Variants in ZNF547 observed in about 807,000 individuals in gnomAD.
ZNF547 encodes zinc finger protein 547.
In ZNF547, 4 loss-of-function variants were observed where a neutral mutation model predicts 7.7. The ratio of observed to expected loss-of-function variants is 0.52; its 90% confidence interval spans 0.26 to 1.20. The LOEUF is 1.20. Ranked by LOEUF, ZNF547 falls within the 50% of genes most tolerant of loss-of-function variation. The pLI is 0.14. For missense variants in ZNF547, 449 were observed against 485.8 expected, an observed-to-expected ratio of 0.92 and a Z score of 0.71; for synonymous variants, 166 against 166.2, an observed-to-expected ratio of 1.00 and a Z score of 0.01.
At chr19:57,374,181 C>G (rs891708309) in intron 3 of ZNF547, among the ~76,000 whole-genome samples, 3 of 152,248 alleles carry the variant, frequency 2.0e-5, no homozygotes, top group African/African-American at 7.2e-5. Flanking sequence ...TTTGCACCCA[C>G]AGGCCCAACA....
At chr19:57,363,747 C>T (rs1568523266) in intron 1 of ZNF547, 44 bp downstream of exon 1, 2 of 153,258 alleles carry the variant, frequency 1.3e-5, no homozygotes, top group Non-Finnish European at 2.9e-5. Context: ...CGCCCGACCC[C>T]TCCTTCCAGT....
chr19:57,378,224 T>A lies in ZNF547; in HGVS notation c.*39T>A. On this transcript the variant is annotated 3_prime_UTR_variant, in exon 4 of 4. Transcript: ENST00000282282. ...GCAGTGGATATGGGAAAGCCTTCAG[T>A]CACCAACATATTGTGGCTGGACAGC... The A allele has an allele frequency of 1.3e-6, 2 of 1,553,630 alleles. No homozygotes were observed. Among genetic ancestry groups the A allele is most frequent in the Non-Finnish European group, 1.8e-6 (2 of 1,141,950 alleles).
chr19:57,372,570 C>T (rs1423048219), intron 3 of ZNF547, among the ~76,000 whole-genome samples: 26 of 152,168 alleles, frequency 1.7e-4, no homozygotes, highest in Admixed American at 1.6e-3. Context: ...GGTGTAATAT[C>T]ACAGCTGGGG....
At chr19:57,374,243 A>G (rs1052573331) in intron 3 of ZNF547, among the ~76,000 whole-genome samples, 7 of 152,246 alleles carry the variant, frequency 4.6e-5, no homozygotes, top group Non-Finnish European at 8.8e-5. Context: ...CAATGGCTGG[A>G]GCTGTACCTT....
At chr19:57,372,471 GC>G (rs747932312) in intron 3 of ZNF547, among the ~76,000 whole-genome samples, 17 of 152,162 alleles carry the variant, frequency 1.1e-4, no homozygotes, top group Non-Finnish European at 2.1e-4. Context: ...AATGGGGAGG[GC>G]CCTGGTACCC....
chr19:57,364,715 T>C, intron 1 of ZNF547: 1 of 866,414 alleles, frequency 1.2e-6, no homozygotes, highest in Non-Finnish European at 1.8e-6. Context: ...CACTCCAGCC[T>C]GGGCGACAGA....
chr19:57,376,980 G>A, intron 3 of ZNF547, 148 bp from the exon 4 acceptor site: 2 of 765,914 alleles, frequency 2.6e-6, no homozygotes, highest in Non-Finnish European at 4.1e-6. Flanking sequence ...TCAGCTGTTA[G>A]TGAGACCTGG....
chr19:57,368,872 A>T (rs765902848), intron 2 of ZNF547, among the ~76,000 whole-genome samples: 6 of 152,184 alleles, frequency 3.9e-5, no homozygotes, highest in Non-Finnish European at 7.3e-5. Flanking sequence ...TGGGCACAAG[A>T]TTAAGAATGT....
chr19:57,377,630 G>A lies in ZNF547; in HGVS notation c.654G>A (p.Gly218=). The change falls in exon 4 of 4, where the codon GGG becomes GGA. Residue 218 remains glycine, a synonymous_variant. Coordinates refer to ENST00000282282, the MANE Select transcript of ZNF547 (RefSeq NM_173631.4). The stretch of plus-strand genomic sequence containing the variant: ...GGCCTTATGAGTGCAATGAATGTGG[G>A]AAAGCCTTTCTTTGTAAGTCTCACC... ...GERPYECNEC[G]KAFLCKSHLV... 1 of 1,614,112 alleles carries A rather than the reference G, an allele frequency of 6.2e-7. No individual in the cohort carries two copies.
chr19:57,368,039 G>A (rs765191601), intron 1 of ZNF547: 2 of 154,292 alleles, frequency 1.3e-5, no homozygotes, highest in African/African-American at 2.4e-5. Flanking sequence ...GTACACATAG[G>A]CAGTTAGAAG....
At chr19:57,367,212 CTGTT>C (rs1297194774) in intron 1 of ZNF547, among the ~76,000 whole-genome samples, 1 of 152,168 alleles carries the variant, frequency 6.6e-6, no homozygotes, top group Admixed American at 6.5e-5. Context: ...TGGGAATTGT[CTGTT>C]TGTTCCTATG....
chr19:57,371,786 A>C lies in ZNF547; in HGVS notation c.29A>C (p.His10Pro), dbSNP rs759027545. 2.5e-6 allele frequency: 4 copies of C among 1,610,650 alleles called. No individual in the cohort carries two copies. The highest frequency in any genetic ancestry group is 2.5e-6 in the Non-Finnish European group (3 of 1,178,920). Reference protein sequence around the residue: MAEMNPAQGHVVFEDVAIYF... With the variant: MAEMNPAQGPVVFEDVAIYF... ...TCATCTTTCCCAATTTGGCAGGGTCATGTGGTTTTTGAAGACGTGGCCATA... is the reference window on the plus strand; with the variant it reads ...TCATCTTTCCCAATTTGGCAGGGTCCTGTGGTTTTTGAAGACGTGGCCATA... The change falls in exon 3 of 4, where the codon CAT (histidine) becomes CCT (proline). Residue 10 changes from histidine (H) to proline (P), a missense_variant. Transcript: ENST00000282282.
At position 57,370,494 on chromosome 19, in the gene ZNF547, C is replaced by G. The variant is rs183529876; in HGVS notation, c.25-1288C>G. On this transcript the variant is annotated intron_variant, in intron 2 of 3. Transcript: ENST00000282282. ...GGCCTGTTAGGAGGTGAAGGAAATGCCTGTGGTGTGGGCTGGGAGGTGTCT... is the reference window on the plus strand; with the variant it reads ...GGCCTGTTAGGAGGTGAAGGAAATGGCTGTGGTGTGGGCTGGGAGGTGTCT... 4.5e-3 allele frequency among the ~76,000 whole-genome samples: 679 copies of G among 152,238 alleles called. 2 individuals are homozygous for G. Among genetic ancestry groups the G allele is most frequent in the Non-Finnish European group, 5.5e-3 (376 of 68,024 alleles).
rs28555272 is a variant in ZNF547, at chr19:57,370,333, C to T, written c.25-1449C>T. On this transcript the variant is annotated intron_variant, in intron 2 of 3. Transcript: ENST00000282282. ...CCTGACAGTGAAGTGAGAAACAGGG[C>T]CATGTAGGGAACCTTCAACCCAGGG... is the stretch of plus-strand genomic sequence containing the variant. 4.4e-3 allele frequency among the ~76,000 whole-genome samples: 665 copies of T among 152,252 alleles called. 6 individuals carry two copies. Among genetic ancestry groups the T allele is most frequent in the African/African-American group, 0.015 (641 of 41,554 alleles).
At chr19:57,368,659 G>T in intron 2 of ZNF547, 80 bp downstream of exon 2, 1 of 1,355,092 alleles carries the variant, frequency 7.4e-7, no homozygotes, top group Non-Finnish European at 1.1e-6. Flanking sequence ...GAAAAGTGGT[G>T]TCCAGAGACT....
chr19:57,367,740 C>A (rs2088479734), intron 1 of ZNF547, among the ~76,000 whole-genome samples: 1 of 152,220 alleles, frequency 6.6e-6, no homozygotes, highest in Admixed American at 6.5e-5. Context: ...GGCTGACCCT[C>A]AGGGCCACTC....
At chr19:57,369,156 G>A (rs963120303) in intron 2 of ZNF547, among the ~76,000 whole-genome samples, 2 of 152,154 alleles carry the variant, frequency 1.3e-5, no homozygotes, top group Non-Finnish European at 2.9e-5. Flanking sequence ...ATGGCAGGGA[G>A]ATCTGAGAGG....
intron 1 of ZNF547, among the ~76,000 whole-genome samples, chr19:57,365,589 C>T (rs2088462198): frequency 6.7e-6 from 1 of 149,818 alleles, no homozygotes; most frequent in Admixed American, 6.6e-5. Context: ...TCTCACTGCA[C>T]CCTCCGCCTC....
At chr19:57,366,523 C>T (rs897840083) in intron 1 of ZNF547, among the ~76,000 whole-genome samples, 2 of 146,268 alleles carry the variant, frequency 1.4e-5, no homozygotes, top group South Asian at 2.2e-4. Context: ...AATAAGCTTT[C>T]GACTTGCCCA....
Sources: gnomAD v4.1 joint callset for allele counts (sites outside exome capture counted in the v4.1 genomes callset) on GRCh38, gnomAD v4.1.1 for gene constraint, MANE v1.5 for transcripts, NCBI Gene and HGNC (gene_info 2026-07-23, HGNC 2026-07-21) for gene names.